ARRB1: variants seen among roughly 807,000 people sequenced by gnomAD.
ARRB1 encodes beta-arrestin-1.
In ARRB1, 21 loss-of-function variants were observed where a neutral mutation model predicts 56.8. The ratio of observed to expected loss-of-function variants is 0.37; its 90% CI spans 0.26 to 0.53. The LOEUF (loss-of-function observed/expected upper bound fraction) is 0.53, where lower values mean the gene tolerates loss of function less well. Ranked by LOEUF, ARRB1 falls within the 20% of genes least tolerant of loss-of-function variation. ARRB1 has a pLI of 0.88. For synonymous variants in ARRB1, 210 were observed against 218.6 expected (o/e 0.96, Z 0.35); for missense variants, 424 against 553.7 (o/e 0.77, Z 2.35).
At chr11:75,317,220 G>A (rs1459915708) in intron 1 of ARRB1, among the ~76,000 whole-genome samples, 1 of 152,016 alleles carries the variant, frequency 6.6e-6, no homozygotes, top group African/African-American at 2.4e-5. Flanking sequence ...ATTCTAAATG[G>A]CTACAGTCTA....
chr11:75,334,639 A>T (rs140303322), intron 1 of ARRB1, among the ~76,000 whole-genome samples: 1 of 152,310 alleles, frequency 6.6e-6, no homozygotes, highest in Admixed American at 6.5e-5. Context: ...GGAAGGTCTT[A>T]TCTCCATTTT....
chr11:75,309,733 G>A (rs529718689), intron 1 of ARRB1, among the ~76,000 whole-genome samples: 2 of 152,272 alleles, frequency 1.3e-5, no homozygotes, highest in South Asian at 4.1e-4. Flanking sequence ...ATTAGGACAA[G>A]GCTGAATTAT....
intron 1 of ARRB1, chr11:75,335,140 C>A: frequency 3.9e-6 from 1 of 254,216 alleles, no homozygotes; most frequent in South Asian, 3.8e-5. Context: ...ATCTGAGCAC[C>A]ACCCGCCTTC....
At position 75,277,374 on chromosome 11, in the gene ARRB1, G is replaced by C. The variant is rs960333020; in HGVS notation, c.693C>G (p.Ile231Met). Residue 231 changes from isoleucine to methionine, a missense_variant, in exon 9 of 16, where the codon ATC (isoleucine) becomes ATG (methionine). By Grantham distance (10) the Ile-to-Met change is conservative (BLOSUM62 1). Transcript: ENST00000420843. ...TNNTNKTVKK[I>M]KISVRQYADI... is the part of the protein sequence containing the mutation. ...CTCTGTCTGGGATACCTGAGATCTT[G>C]ATCTTCTTCACCGTCTTGTTGGTGT... 6.2e-7 allele frequency: 1 copy of C among 1,614,108 alleles called. No individual in the cohort carries two copies. Among genetic ancestry groups the C allele is most frequent in the Non-Finnish European group, 8.5e-7 (1 of 1,179,948 alleles).
At chr11:75,295,106 C>G (rs919443705) in intron 1 of ARRB1, among the ~76,000 whole-genome samples, 2 of 151,606 alleles carry the variant, frequency 1.3e-5, no homozygotes, top group Non-Finnish European at 2.9e-5. Flanking sequence ...GCCTGTAGTA[C>G]CAGCTACTCG....
intron 1 of ARRB1, among the ~76,000 whole-genome samples, chr11:75,327,316 A>AT (rs1169602067): frequency 6.6e-6 from 1 of 150,784 alleles, no homozygotes; most frequent in East Asian, 2.0e-4. Flanking sequence ...AAAAAAAAAA[A>AT]AAAAAAAGAA....
rs369629147 is a variant in ARRB1 at position 75,285,622 on chromosome 11, G to A, written c.113-1343C>T. ...TGATCAGATCAAGCCAAATGGCAGC[G>A]TCACTATGGGAGAAGAATCTCTCAC... On this transcript the variant is annotated intron_variant, in intron 3 of 15. Transcript: ENST00000420843. 7.2e-5 allele frequency among the ~76,000 whole-genome samples: 11 copies of A among 152,188 alleles called. No individual in the cohort carries two copies. The South Asian group carries it at 2.3e-3, about 32-fold the overall frequency.
intron 6 of ARRB1, 61 bp from the exon 7 acceptor site, chr11:75,281,203 C>G (rs1946328437): frequency 6.8e-7 from 1 of 1,465,140 alleles, no homozygotes; most frequent in Non-Finnish European, 9.3e-7. Flanking sequence ...AGTACACAGC[C>G]AGCCCACCTC....
chr11:75,324,255 C>T (rs1441583218), intron 1 of ARRB1, among the ~76,000 whole-genome samples: 2 of 152,220 alleles, frequency 1.3e-5, no homozygotes, highest in Non-Finnish European at 2.9e-5. Context: ...GGGAACATAG[C>T]ACCAGCATCA....
At chr11:75,267,163 G>A (rs1023661161) in intron 15 of ARRB1, among the ~76,000 whole-genome samples, 5 of 152,222 alleles carry the variant, frequency 3.3e-5, no homozygotes, top group African/African-American at 9.7e-5. Flanking sequence ...GGCGGTCCGC[G>A]CAGTCGGCCC....
rs748636398 is a variant in ARRB1 at position 75,283,348 on chromosome 11, G to C, written c.293C>G (p.Thr98Arg). ...CTTGATGAGGCGTTCCTGCAGCCGC[G>C]TCAGGGGCTTCTTGTCCTCGGGGGC... ...PPAPEDKKPL[T>R]RLQERLIKKL... The change falls in exon 5 of 16, where the codon ACG becomes AGG. Residue 98 changes from threonine (T) to arginine (R), a missense_variant. By Grantham distance (71) the Thr-to-Arg change is moderately conservative. Around this residue, in one of 3 missense-constraint regions of ARRB1, gnomAD observed 301 missense variants for 387.9 expected, o/e 0.78. Coordinates refer to ENST00000420843, the MANE Select transcript of ARRB1 (RefSeq NM_004041.5). 6.2e-7 allele frequency: 1 copy of C among 1,614,138 alleles called. No individual in the cohort carries two copies. The highest frequency in any genetic ancestry group is 8.5e-7 in the Non-Finnish European group (1 of 1,179,992).
intron 1 of ARRB1, among the ~76,000 whole-genome samples, chr11:75,304,588 G>A (rs927409026): frequency 6.6e-6 from 1 of 151,528 alleles, no homozygotes; most frequent in Non-Finnish European, 1.5e-5. Context: ...AGCCGGGGGC[G>A]AATTTGCACC....
At position 75,263,716 on chromosome 11, in the gene ARRB1, C is replaced by T. The variant is rs1334785965; in HGVS notation, c.*2447G>A. ...TGAATTCAACTAAATTTGGCCATTG[C>T]CTTGTGCAGTCCTGGCTCCAGGAGA... On this transcript the variant is annotated 3_prime_UTR_variant, in exon 16 of 16. Transcript: ENST00000420843. Among the ~76,000 whole-genome samples the T allele has an allele frequency of 1.3e-5, 2 of 151,464 alleles. No homozygotes were observed. Among genetic ancestry groups the T allele is most frequent in the Non-Finnish European group, 2.9e-5 (2 of 67,962 alleles).
chr11:75,310,516 G>T (rs1345358323), intron 1 of ARRB1, among the ~76,000 whole-genome samples: 1 of 152,210 alleles, frequency 6.6e-6, no homozygotes, highest in Non-Finnish European at 1.5e-5. Context: ...TACTCTCTGT[G>T]TATCCAACCG....
chr11:75,277,273 G>T, intron 9 of ARRB1, 91 bp downstream of exon 9: 2 of 1,298,062 alleles, frequency 1.5e-6, no homozygotes, highest in Non-Finnish European at 2.2e-6. Context: ...TTTATACAAG[G>T]CTGTTAACAA....
intron 9 of ARRB1, among the ~76,000 whole-genome samples, 195 bp downstream of exon 9, chr11:75,277,169 A>G (rs1946219028): frequency 6.6e-6 from 1 of 152,264 alleles, no homozygotes. Flanking sequence ...CTTAAAGAGC[A>G]AACTCATTAC....
Position 75,263,009 on chromosome 11 carries a change from G to A in ARRB1, c.*3154C>T, listed in dbSNP as rs964536343. ...TCTCTGCTCGGTGGGTTTTCACCGGGGCATGCTTTTCCTTCCTGCCCGGAC... is the reference window on the plus strand; with the variant it reads ...TCTCTGCTCGGTGGGTTTTCACCGGAGCATGCTTTTCCTTCCTGCCCGGAC... On this transcript the variant is annotated 3_prime_UTR_variant, in exon 16 of 16. Transcript: ENST00000420843. Among the ~76,000 whole-genome samples the A allele has an allele frequency of 5.9e-5, 9 of 152,148 alleles. No individual in the cohort carries two copies. Among genetic ancestry groups the A allele is most frequent in the Non-Finnish European group, 1.2e-4 (8 of 68,020 alleles).
chr11:75,272,023 G>A lies in ARRB1; in HGVS notation c.999-299C>T, dbSNP rs935250579. Reference sequence around the variant, plus strand: ...CCCAGTGCTGCCTGTCCCAAGGGAGGCCGGACTATCTAAAGGCAGAGGGAA... The same window carrying A: ...CCCAGTGCTGCCTGTCCCAAGGGAGACCGGACTATCTAAAGGCAGAGGGAA... On this transcript the variant is annotated intron_variant, in intron 12 of 15. Transcript: ENST00000420843. Among the ~76,000 whole-genome samples, 5 of 152,202 alleles carry A rather than the reference G, an allele frequency of 3.3e-5. No homozygotes were observed. In the East Asian group the frequency reaches 9.6e-4, roughly 29 times the overall value.
chr11:75,280,412 G>C (rs780727059), intron 7 of ARRB1, among the ~76,000 whole-genome samples: 1 of 152,240 alleles, frequency 6.6e-6, no homozygotes, highest in Non-Finnish European at 1.5e-5. Flanking sequence ...AGTGCCTCTG[G>C]ATGCAGGCAC....
Sources: gnomAD v4.1 joint callset for allele counts (sites outside exome capture counted in the v4.1 genomes callset) on GRCh38, gnomAD v4.1.1 for gene constraint, gnomAD v4.1.1 regional missense constraint, MANE v1.5 for transcripts, NCBI Gene and HGNC (gene_info 2026-07-23, HGNC 2026-07-21) for gene names.